FIP1L1: variants seen among roughly 807,000 people sequenced by gnomAD.
FIP1L1 encodes factor interacting with PAPOLA and CPSF1, also known as pre-mRNA 3'-end-processing factor FIP1.
FIP1L1 carries 21 observed loss-of-function variants against 84.6 expected under a neutral mutation model. That is an observed-to-expected ratio of 0.25 (90% CI 0.18 to 0.36). The LOEUF is 0.36. FIP1L1 is among the 10% of genes least tolerant of loss of function. FIP1L1 has a pLI of 1.00. For synonymous variants in FIP1L1, 263 were observed against 242.3 expected (o/e 1.09, Z -0.80); for missense variants, 526 against 751.1 (o/e 0.70, Z 3.50).
chr4:53,405,791 A>T (rs1332905243), intron 10 of FIP1L1, among the ~76,000 whole-genome samples: 3 of 150,648 alleles, frequency 2.0e-5, no homozygotes, highest in Non-Finnish European at 4.5e-5. Context: ...GAGTTCACTC[A>T]TGATTTGGCT....
At chr4:53,434,406 A>G (rs1228676366) in intron 13 of FIP1L1, among the ~76,000 whole-genome samples, 1 of 151,924 alleles carries the variant, frequency 6.6e-6, no homozygotes, top group Non-Finnish European at 1.5e-5. Flanking sequence ...ATCACGAGTT[A>G]TGTGGCCCCT....
chr4:53,438,531 A>G (rs2150174080), intron 13 of FIP1L1, among the ~76,000 whole-genome samples: 1 of 152,318 alleles, frequency 6.6e-6, no homozygotes, highest in African/African-American at 2.4e-5. Context: ...CTTAGATGAA[A>G]TGGAGGTCTC....
chr4:53,406,447 C>G (rs1578425074), intron 10 of FIP1L1, among the ~76,000 whole-genome samples: 1 of 152,174 alleles, frequency 6.6e-6, no homozygotes, highest in East Asian at 1.9e-4. Context: ...CAATGTTCAT[C>G]AGGGATATTG....
chr4:53,406,336 G>A (rs1253868225), intron 10 of FIP1L1, among the ~76,000 whole-genome samples: 8 of 152,178 alleles, frequency 5.3e-5, no homozygotes, highest in Admixed American at 1.3e-4. Flanking sequence ...TATTGAACCA[G>A]CCTTGCATCC....
chr4:53,393,355 T>G (rs966037451), intron 9 of FIP1L1, among the ~76,000 whole-genome samples: 1 of 152,204 alleles, frequency 6.6e-6, no homozygotes, highest in African/African-American at 2.4e-5. Context: ...TTTTCATCCT[T>G]AAGTGTGAGA....
At chr4:53,408,062 G>T (rs193013850) in intron 10 of FIP1L1, among the ~76,000 whole-genome samples, 2 of 152,142 alleles carry the variant, frequency 1.3e-5, no homozygotes, top group Non-Finnish European at 2.9e-5. Context: ...TATTTTGCTC[G>T]TTAGTTGATG....
At chr4:53,414,476 T>A in intron 10 of FIP1L1, 139 bp from the exon 11 acceptor site, 1 of 543,044 alleles carries the variant, frequency 1.8e-6, no homozygotes, top group South Asian at 2.5e-5. Flanking sequence ...AGCAAGTAGT[T>A]TATATGACTT....
intron 10 of FIP1L1, among the ~76,000 whole-genome samples, chr4:53,405,975 C>A (rs1412858894): frequency 1.3e-5 from 2 of 151,998 alleles, no homozygotes; most frequent in African/African-American, 4.8e-5. Flanking sequence ...TTGACTTCCT[C>A]TTTTCCTAAT....
intron 11 of FIP1L1, among the ~76,000 whole-genome samples, chr4:53,415,529 G>GT (rs770097857): frequency 0.059 from 8,546 of 144,540 alleles, 324 homozygotes; most frequent in African/African-American, 0.1. Context: ...TTTGTTTTTT[G>GT]TTTTTTTTTT....
At chr4:53,410,870 A>G (rs990842425) in intron 10 of FIP1L1, among the ~76,000 whole-genome samples, 4 of 152,224 alleles carry the variant, frequency 2.6e-5, no homozygotes, top group African/African-American at 9.6e-5. Flanking sequence ...AAATCATTGT[A>G]CATATTGGGT....
intron 10 of FIP1L1, among the ~76,000 whole-genome samples, chr4:53,404,107 C>G (rs547027951): frequency 6.6e-6 from 1 of 151,334 alleles, no homozygotes; most frequent in South Asian, 2.1e-4. Context: ...TGTGCTGCAC[C>G]CACTAACTCG....
intron 9 of FIP1L1, among the ~76,000 whole-genome samples, chr4:53,395,327 A>C (rs1746638495): frequency 6.6e-6 from 1 of 152,144 alleles, no homozygotes; most frequent in Admixed American, 6.6e-5. Context: ...TGTGTTTAAA[A>C]ATCTATGCCA....
chr4:53,436,711 T>G (rs181144802), intron 13 of FIP1L1, among the ~76,000 whole-genome samples: 3 of 152,186 alleles, frequency 2.0e-5, no homozygotes, highest in African/African-American at 7.2e-5. Flanking sequence ...CTGTTTAGTT[T>G]TTTTGTGAGT....
chr4:53,443,079 T>C (rs1772680927), intron 14 of FIP1L1, among the ~76,000 whole-genome samples: 1 of 152,218 alleles, frequency 6.6e-6, no homozygotes, highest in African/African-American at 2.4e-5. Flanking sequence ...AAAACTATTA[T>C]GGGACCATAG....
intron 10 of FIP1L1, among the ~76,000 whole-genome samples, chr4:53,410,352 C>T (rs182225739): frequency 2.3e-4 from 35 of 152,322 alleles, no homozygotes; most frequent in Admixed American, 1.6e-3. Context: ...GACAGCTTCT[C>T]GTGTAGTTGT....
chr4:53,411,503 T>G (rs1050262313), intron 10 of FIP1L1, among the ~76,000 whole-genome samples: 8 of 152,158 alleles, frequency 5.3e-5, no homozygotes, highest in African/African-American at 1.9e-4. Flanking sequence ...TTATTCGTTA[T>G]ATTTATGGAG....
intron 13 of FIP1L1, among the ~76,000 whole-genome samples, chr4:53,428,890 A>G (rs958374284): frequency 6.6e-6 from 1 of 152,212 alleles, no homozygotes; most frequent in African/African-American, 2.4e-5. Context: ...CCAGGGAGAA[A>G]GCTAGTAGTA....
chr4:53,412,814 C>T (rs1315498755), intron 10 of FIP1L1, among the ~76,000 whole-genome samples: 4 of 152,012 alleles, frequency 2.6e-5, no homozygotes, highest in Admixed American at 2.6e-4. Context: ...TGTTCCTCTT[C>T]AAACTTTTTA....
intron 16 of FIP1L1, among the ~76,000 whole-genome samples, chr4:53,457,603 G>T (rs149927081): frequency 2.0e-5 from 3 of 152,170 alleles, no homozygotes; most frequent in East Asian, 3.9e-4. Flanking sequence ...ACCTGACTAT[G>T]TTAAACCCTG....
Sources: gnomAD v4.1 joint callset for allele counts (sites outside exome capture counted in the v4.1 genomes callset) on GRCh38, gnomAD v4.1.1 for gene constraint, MANE v1.5 for transcripts, NCBI Gene and HGNC (gene_info 2026-07-23, HGNC 2026-07-21) for gene names.